Variants in OPA1 observed in about 807,000 individuals in gnomAD.
The protein encoded by OPA1 is dynamin-like GTPase OPA1, mitochondrial.
A neutral mutation model predicts 152.9 loss-of-function variants in OPA1; 59 were observed. That is an observed-to-expected ratio of 0.39 (90% CI 0.31 to 0.48). The LOEUF (loss-of-function observed/expected upper bound fraction) is 0.48. OPA1 is among the 20% of genes least tolerant of loss of function. OPA1 has a pLI of 0.96. For missense variants in OPA1, 1,008 were observed against 1,216.8 expected (o/e 0.83, Z 2.55); for synonymous variants, 400 against 389.9 (o/e 1.03, Z -0.31).
intron 8 of OPA1, among the ~76,000 whole-genome samples, chr3:193,633,942 G>T (rs558806271): frequency 6.6e-6 from 1 of 152,252 alleles, no homozygotes; most frequent in Admixed American, 6.5e-5. Flanking sequence ...AGTCTAGCCA[G>T]TAGTTCTGCC....
intron 23 of OPA1, among the ~76,000 whole-genome samples, chr3:193,658,533 A>G (rs1714475926): frequency 6.6e-6 from 1 of 152,212 alleles, no homozygotes; most frequent in Non-Finnish European, 1.5e-5. Flanking sequence ...AGCGATGAAC[A>G]TGATCTGAAT....
chr3:193,600,782 C>G (rs1726339165), intron 1 of OPA1, among the ~76,000 whole-genome samples: 1 of 152,150 alleles, frequency 6.6e-6, no homozygotes, highest in Non-Finnish European at 1.5e-5. Context: ...CTTGGAAAAC[C>G]CAAGCTTGCC....
intron 29 of OPA1, among the ~76,000 whole-genome samples, chr3:193,667,834 A>C (rs1243562036): frequency 6.6e-6 from 1 of 152,162 alleles, no homozygotes; most frequent in Non-Finnish European, 1.5e-5. Context: ...TACAATATCT[A>C]ATTCTCAGAC....
intron 23 of OPA1, among the ~76,000 whole-genome samples, chr3:193,658,074 C>G (rs376630759): frequency 1.3e-5 from 2 of 151,876 alleles, no homozygotes; most frequent in South Asian, 4.2e-4. Context: ...GGATAAACCC[C>G]GTCTCTACTA....
At chr3:193,641,888 G>A (rs1394291395) in intron 11 of OPA1, among the ~76,000 whole-genome samples, 1 of 152,244 alleles carries the variant, frequency 6.6e-6, no homozygotes, top group African/African-American at 2.4e-5. Context: ...GCTGAGGAGG[G>A]CGGATCACCT....
At chr3:193,666,993 A>T (rs757070031) in intron 28 of OPA1, among the ~76,000 whole-genome samples, 177 bp from the exon 29 acceptor site, 1 of 152,188 alleles carries the variant, frequency 6.6e-6, no homozygotes, top group Non-Finnish European at 1.5e-5. Context: ...CTGAGACTAT[A>T]TAGGTTTCAT....
chr3:193,596,390 C>G (rs1246151637), intron 1 of OPA1, among the ~76,000 whole-genome samples: 34 of 67,460 alleles, frequency 5.0e-4, no homozygotes, highest in Admixed American at 9.5e-4. Context: ...CTTTTCTTTT[C>G]TGTTCTTTTC....
chr3:193,664,192 G>T (rs1228642026), intron 26 of OPA1, among the ~76,000 whole-genome samples: 1 of 152,094 alleles, frequency 6.6e-6, no homozygotes, highest in African/African-American at 2.4e-5. Flanking sequence ...AGTACCACGA[G>T]AAGAATATTG....
chr3:193,643,435 T>C lies in OPA1; in HGVS notation c.1368T>C (p.Gly456=). The C allele has an allele frequency of 6.2e-7, 1 of 1,609,170 alleles. No homozygotes were observed. Among genetic ancestry groups the C allele is most frequent in the Non-Finnish European group, 8.5e-7 (1 of 1,175,564 alleles). The change falls in exon 14 of 31, where the codon GGT becomes GGC. Residue 456 remains glycine, a synonymous_variant. Coordinates refer to ENST00000361510, the MANE Select transcript of OPA1 (RefSeq NM_130837.3). Reference sequence around the variant, plus strand: ...GGATGGTGCTTGTTGACTTACCAGGTGTGATTAATGTAAGTATATACAAAA... The same window carrying C: ...GGATGGTGCTTGTTGACTTACCAGGCGTGATTAATGTAAGTATATACAAAA... The part of the protein sequence containing the change: ...LQRMVLVDLP[G]VINTVTSGMA...
intron 6 of OPA1, among the ~76,000 whole-genome samples, chr3:193,620,128 C>T (rs1360935923): frequency 6.6e-6 from 1 of 152,086 alleles, no homozygotes; most frequent in African/African-American, 2.4e-5. Context: ...TGAGTGAAGG[C>T]CTTAGCCCTT....
chr3:193,676,165 G>T (rs949509030), intron 29 of OPA1, among the ~76,000 whole-genome samples: 2 of 152,084 alleles, frequency 1.3e-5, no homozygotes, highest in Admixed American at 6.5e-5. Flanking sequence ...TAAGTTCATT[G>T]GAATACATTC....
At chr3:193,659,645 C>T in intron 25 of OPA1, 84 bp downstream of exon 25, 1 of 974,874 alleles carries the variant, frequency 1.0e-6, no homozygotes, top group East Asian at 2.6e-5. Context: ...CTTTTTGTGG[C>T]TCTAGACCAG....
intron 29 of OPA1, among the ~76,000 whole-genome samples, chr3:193,679,952 G>T (rs1488520119): frequency 2.0e-5 from 3 of 152,104 alleles, no homozygotes; most frequent in African/African-American, 7.2e-5. Context: ...ACTCAGTTGT[G>T]ATAAACAGCA....
At chr3:193,608,779 G>C (rs147943843) in intron 1 of OPA1, among the ~76,000 whole-genome samples, 1 of 151,886 alleles carries the variant, frequency 6.6e-6, no homozygotes, top group East Asian at 1.9e-4. Flanking sequence ...TGTCTCGTTG[G>C]TCTGTCTAAT....
chr3:193,650,705 A>G (rs1308986427), intron 21 of OPA1, among the ~76,000 whole-genome samples: 1 of 152,162 alleles, frequency 6.6e-6, no homozygotes, highest in Non-Finnish European at 1.5e-5. Context: ...TTAGGGGTAT[A>G]GATTTGACAT....
At chr3:193,642,601 G>T (rs1733953966) in intron 11 of OPA1, among the ~76,000 whole-genome samples, 164 bp from the exon 12 acceptor site, 1 of 152,198 alleles carries the variant, frequency 6.6e-6, no homozygotes, top group Admixed American at 6.5e-5. Context: ...TTATTGTCTT[G>T]TCAGAACTAC....
rs75119504 is a variant in OPA1 at position 193,631,326 on chromosome 3, T to C, written c.790-286T>C. ...AATTTAGTAACCATATGTGTTGATC[T>C]CTTGTTTTTCTAACTAGTCTTTCAT... On this transcript the variant is annotated intron_variant, in intron 7 of 30. Coordinates refer to ENST00000361510, the MANE Select transcript of OPA1 (RefSeq NM_130837.3). Among the ~76,000 whole-genome samples, 3,692 of 152,314 alleles carry C rather than the reference T, an allele frequency of 0.024. 162 individuals carry two copies. Among genetic ancestry groups the C allele is most frequent in the African/African-American group, 0.085 (3,531 of 41,554 alleles).
chr3:193,609,497 A>C (rs1249854297), intron 1 of OPA1, among the ~76,000 whole-genome samples: 1 of 152,088 alleles, frequency 6.6e-6, no homozygotes, highest in Non-Finnish European at 1.5e-5. Context: ...AACTTTGGTG[A>C]ATCTGACAAT....
intron 6 of OPA1, among the ~76,000 whole-genome samples, chr3:193,622,388 C>T (rs1730290220): frequency 6.6e-6 from 1 of 151,974 alleles, no homozygotes; most frequent in South Asian, 2.1e-4. Flanking sequence ...GCCACCACGC[C>T]TAGCTAATTT....
Sources: allele counts gnomAD v4.1 joint callset (sites outside exome capture counted in the v4.1 genomes callset), GRCh38; gene constraint gnomAD v4.1.1; transcripts MANE v1.5; gene names NCBI Gene and HGNC (gene_info 2026-07-23, HGNC 2026-07-21).